ZC3H3: variants seen among roughly 807,000 people sequenced by gnomAD.
ZC3H3 encodes zinc finger CCCH-type containing 3.
In ZC3H3, 36 loss-of-function variants were observed where a neutral mutation model predicts 77.3. The ratio of observed to expected loss-of-function variants is 0.47; its 90% CI spans 0.36 to 0.61. The LOEUF (loss-of-function observed/expected upper bound fraction) is 0.61. Among genes scored for constraint, ZC3H3 ranks in the 20% least tolerant of loss-of-function variants. The probability of loss-of-function intolerance (pLI) is 0.00; values close to 1 mark genes in which losing one functional copy is unlikely to be tolerated. For missense variants in ZC3H3, 1,331 were observed against 1,312.2 expected, an observed-to-expected ratio of 1.01 and a Z score of -0.22; for synonymous variants, 626 against 555.2, an observed-to-expected ratio of 1.13 and a Z score of -1.79.
chr8:143,509,293 G>A (rs1179889983), intron 3 of ZC3H3, among the ~76,000 whole-genome samples: 3 of 152,204 alleles, frequency 2.0e-5, no homozygotes, highest in East Asian at 1.9e-4. Flanking sequence ...TCAACTAAGC[G>A]CTGGAGAACG....
intron 9 of ZC3H3, among the ~76,000 whole-genome samples, chr8:143,454,008 T>C (rs1027015282): frequency 6.6e-6 from 1 of 152,164 alleles, no homozygotes; most frequent in South Asian, 2.1e-4. Context: ...GCAGTTTCAG[T>C]TACCTGAAGT....
chr8:143,506,113 C>T (rs1656971203), intron 4 of ZC3H3, among the ~76,000 whole-genome samples: 1 of 152,256 alleles, frequency 6.6e-6, no homozygotes, highest in South Asian at 2.1e-4. Context: ...TGTGCAACAA[C>T]ACCATCAGGG....
In ZC3H3 at chr8:143,541,387, CG is replaced by C; in HGVS notation, c.34del (p.Arg12AlafsTer6). ...CCGGCCGGACCTACCCTGCAGTAGG[CG>C]GATCTGCCGCCGTAATATCTCCTTT... ...EEKEILRRQIRLLQGLIDDYK... is the reference protein window; with the variant it reads ...EEKEILRRQIXLLQGLIDDYK... On this transcript the variant is annotated frameshift_variant, in exon 1 of 12. Transcript: ENST00000262577. LOFTEE classifies it high-confidence loss of function. 1 of 1,611,672 alleles carries C rather than the reference CG, an allele frequency of 6.2e-7. No homozygotes were observed. Among genetic ancestry groups the C allele is most frequent in the Non-Finnish European group, 8.5e-7 (1 of 1,179,426 alleles).
chr8:143,439,422 C>T (rs1393803970), intron 11 of ZC3H3, among the ~76,000 whole-genome samples: 1 of 152,192 alleles, frequency 6.6e-6, no homozygotes, highest in African/African-American at 2.4e-5. Context: ...TGGGGTTTAT[C>T]GTCACTCAAA....
chr8:143,481,291 A>G (rs1267673932), intron 4 of ZC3H3, among the ~76,000 whole-genome samples: 1 of 152,180 alleles, frequency 6.6e-6, no homozygotes, highest in Non-Finnish European at 1.5e-5. Flanking sequence ...TCTGGAGGAG[A>G]GCTGCTGATG....
intron 3 of ZC3H3, among the ~76,000 whole-genome samples, chr8:143,517,788 C>A (rs1262426777): frequency 6.6e-6 from 1 of 152,152 alleles, no homozygotes; most frequent in Non-Finnish European, 1.5e-5. Context: ...TCTGCTTTGA[C>A]CCCCCGCTCC....
rs1276418912 is a variant in ZC3H3, at chr8:143,511,583, G to GCTGTCCAGCTAT, written c.1562-3696_1562-3685dup. 2.0e-5 allele frequency among the ~76,000 whole-genome samples: 3 copies of GCTGTCCAGCTAT among 152,162 alleles called. No individual in the cohort carries two copies. In the East Asian group the frequency reaches 5.8e-4, roughly 29 times the overall value. On this transcript the variant is annotated intron_variant, in intron 3 of 11. Transcript: ENST00000262577. Reference sequence around the variant, plus strand: ...AGGGCCAAGGTGAGTATCCTGGGGAGCTGTCCAGCTATCTGTCCAGCTCCC... The same window carrying GCTGTCCAGCTAT: ...AGGGCCAAGGTGAGTATCCTGGGGAGCTGTCCAGCTATCTGTCCAGCTATCTGTCCAGCTCCC...
intron 4 of ZC3H3, among the ~76,000 whole-genome samples, chr8:143,491,683 G>A (rs529034281): frequency 3.0e-4 from 45 of 152,334 alleles, no homozygotes; most frequent in South Asian, 1.2e-3. Flanking sequence ...TGCCACCGTC[G>A]CCCAGCAGGC....
intron 5 of ZC3H3, among the ~76,000 whole-genome samples, chr8:143,473,561 C>A (rs1462270235): frequency 6.6e-6 from 1 of 152,226 alleles, no homozygotes. Context: ...GGCTGCTCTG[C>A]CCACTGCCTC....
rs777874524 is a variant in ZC3H3 at position 143,539,217 on chromosome 8, A to G, written c.150T>C (p.Phe50=). 6.2e-7 allele frequency: 1 copy of G among 1,612,938 alleles called. No homozygotes were observed. The highest frequency in any genetic ancestry group is 8.5e-7 in the Non-Finnish European group (1 of 1,180,026). The change falls in exon 2 of 12, where the codon TTT becomes TTC. Residue 50 remains phenylalanine (F), a synonymous_variant. Coordinates refer to ENST00000262577, the MANE Select transcript of ZC3H3 (RefSeq NM_015117.3). ...QPPTYHSGRA[F]SARYPRPSRR... is the part of the protein sequence containing the mutation. ...GGCTTGGACGAGGGTAGCGGGCACT[A>G]AAGGCTCTGCCACTGTGGTAAGTGG...
At chr8:143,470,369 T>C (rs1820530024) in intron 5 of ZC3H3, among the ~76,000 whole-genome samples, 1 of 151,804 alleles carries the variant, frequency 6.6e-6, no homozygotes, top group Admixed American at 6.6e-5. Context: ...CTGAGGCGTG[T>C]GGGGGGCCAG....
intron 9 of ZC3H3, among the ~76,000 whole-genome samples, chr8:143,452,048 A>G (rs1215715305): frequency 2.6e-5 from 4 of 152,356 alleles, no homozygotes; most frequent in African/African-American, 9.6e-5. Context: ...GCCCAGAGGC[A>G]CAGGCAAAGG....
At position 143,440,221 on chromosome 8, in the gene ZC3H3, A is replaced by ATT. The variant is rs776090319; in HGVS notation, c.2634_2635insAA (p.Ser879AsnfsTer21). On this transcript the variant is annotated frameshift_variant, in exon 11 of 12. Transcript: ENST00000262577. LOFTEE classifies it high-confidence loss of function. ...TCCAAGGAAGCGGGAGGGGATGAGG[A>ATT]GGAGGAGGAGGAGGAGGAAGCCTTC... The ATT allele has an allele frequency of 1.3e-6, 2 of 1,531,712 alleles. No individual in the cohort carries two copies. The highest frequency in any genetic ancestry group is 1.9e-4 in the Middle Eastern group (1 of 5,396). The allele number at this position is 1,531,712 out of a possible 1,614,324, so 94.9% of individuals were successfully genotyped here. A position where few individuals can be genotyped will look rare whatever the true frequency, so the allele number is the denominator to read the frequency against.
At chr8:143,486,425 C>G (rs997099371) in intron 4 of ZC3H3, among the ~76,000 whole-genome samples, 6 of 152,228 alleles carry the variant, frequency 3.9e-5, no homozygotes, top group Admixed American at 3.3e-4. Flanking sequence ...GTGGCTTTTC[C>G]TCTGGGCATG....
At chr8:143,495,865 G>A (rs1031399508) in intron 4 of ZC3H3, among the ~76,000 whole-genome samples, 4 of 151,180 alleles carry the variant, frequency 2.6e-5, no homozygotes, top group Admixed American at 6.6e-5. Flanking sequence ...GCCTCCCAAC[G>A]TGCTGTGATT....
chr8:143,540,085 G>A (rs1822960333), intron 1 of ZC3H3, among the ~76,000 whole-genome samples: 1 of 152,278 alleles, frequency 6.6e-6, no homozygotes. Flanking sequence ...CCCAGAGCAG[G>A]TGTGATGGGA....
In ZC3H3 at chr8:143,536,296, G is replaced by A. The variant is rs771961082; in HGVS notation, c.1522C>T (p.Arg508Cys). Residue 508 changes from arginine (R) to cysteine (C), a missense_variant, in exon 3 of 12, where the codon CGC (arginine) becomes TGC (cysteine). By Grantham distance (180) the Arg-to-Cys change is radical. Around this residue, in one of 3 missense-constraint regions of ZC3H3, gnomAD observed 978 missense variants for 915.5 expected, o/e 1.07. Transcript: ENST00000262577. ...AGGTGGGCCCGGCTCGGTGGCAGGC[G>A]ACATAGTCGGTGCGTGGTGACCTGT... Reference protein sequence around the residue: ...LVQVTTHRLCRLPPSRAHLPT... With the variant: ...LVQVTTHRLCCLPPSRAHLPT... 31 of 1,612,026 alleles carry A rather than the reference G, an allele frequency of 1.9e-5. No individual in the cohort carries two copies. Among genetic ancestry groups the A allele is most frequent in the Middle Eastern group, 1.9e-4 (1 of 5,382 alleles).
At chr8:143,438,236 G>T in intron 11 of ZC3H3, 149 bp from the exon 12 acceptor site, 1 of 1,044,222 alleles carries the variant, frequency 9.6e-7, no homozygotes, top group Non-Finnish European at 1.4e-6. Context: ...CTGAGTTCGA[G>T]GGAGAAGAGC....
chr8:143,508,859 C>A lies in ZC3H3; in HGVS notation c.1562-960G>T, dbSNP rs573867466. 8.5e-5 allele frequency among the ~76,000 whole-genome samples: 13 copies of A among 152,294 alleles called. No homozygotes were observed. The East Asian group carries it at 2.5e-3, about 29-fold the overall frequency. ...GACTGCCCAGGACACACCCTCTTGGCCCCCACAGCCAAACAGCCCTCGAGG... is the reference window on the plus strand; with the variant it reads ...GACTGCCCAGGACACACCCTCTTGGACCCCACAGCCAAACAGCCCTCGAGG... On this transcript the variant is annotated intron_variant, in intron 3 of 11. Transcript: ENST00000262577.
Sources: allele counts gnomAD v4.1 joint callset (sites outside exome capture counted in the v4.1 genomes callset), GRCh38; gene constraint gnomAD v4.1.1; regional missense constraint gnomAD v4.1.1; transcripts MANE v1.5; gene names NCBI Gene and HGNC (gene_info 2026-07-23, HGNC 2026-07-21).